PLXNA4: variants seen among roughly 807,000 people sequenced by gnomAD.
PLXNA4 encodes the protein plexin-A4.
PLXNA4 carries 44 observed loss-of-function variants against 191.8 expected under a neutral mutation model. The ratio of observed to expected loss-of-function variants is 0.23; its 90% CI spans 0.18 to 0.29. PLXNA4 has a LOEUF of 0.29. Ranked by LOEUF, PLXNA4 falls within the 10% of genes least tolerant of loss-of-function variation. The pLI is 1.00. For missense variants in PLXNA4, 1,800 were observed against 2,488.8 expected (o/e 0.72, Z 5.89); for synonymous variants, 1,082 against 1,009.5 (o/e 1.07, Z -1.36).
At chr7:132,130,632 C>T (rs1052712956) in intron 31 of PLXNA4, 58 bp from the exon 32 acceptor site, 10 of 1,610,884 alleles carry the variant, frequency 6.2e-6, no homozygotes, top group Non-Finnish European at 8.5e-6. Flanking sequence ...TCTGTGTTCT[C>T]AGGAGGCACA....
chr7:132,440,503 G>T (rs903311390), intron 3 of PLXNA4, among the ~76,000 whole-genome samples: 5 of 152,180 alleles, frequency 3.3e-5, no homozygotes, highest in Admixed American at 2.6e-4. Context: ...AGAGGCAAGA[G>T]ATCCAACTAT....
intron 24 of PLXNA4, among the ~76,000 whole-genome samples, chr7:132,161,162 C>T (rs1252411011): frequency 1.3e-5 from 2 of 152,208 alleles, no homozygotes; most frequent in East Asian, 3.9e-4. Flanking sequence ...GGTGGGGCAG[C>T]TCAGCCTTCC....
At chr7:132,241,781 C>T (rs1584889474) in intron 4 of PLXNA4, among the ~76,000 whole-genome samples, 1 of 151,956 alleles carries the variant, frequency 6.6e-6, no homozygotes, top group East Asian at 1.9e-4. Context: ...TAAAAGCTTT[C>T]ACTATGGTGC....
At chr7:132,482,502 T>C (rs1797378516) in intron 3 of PLXNA4, among the ~76,000 whole-genome samples, 2 of 152,044 alleles carry the variant, frequency 1.3e-5, no homozygotes, top group Admixed American at 6.6e-5. Context: ...CCCCAGCCAA[T>C]ACCATGACCC....
At chr7:132,176,023 G>A (rs560699062) in intron 20 of PLXNA4, among the ~76,000 whole-genome samples, 2 of 152,348 alleles carry the variant, frequency 1.3e-5, no homozygotes, top group Non-Finnish European at 2.9e-5. Flanking sequence ...GAGCTGTGAT[G>A]ATCACAGAAA....
At chr7:132,312,149 A>AAATAAT (rs56273116) in intron 3 of PLXNA4, among the ~76,000 whole-genome samples, 3,281 of 149,534 alleles carry the variant, frequency 0.022, 52 homozygotes, top group Middle Eastern at 0.035. Flanking sequence ...CCTTGAAGGA[A>AAATAAT]AATAATAATA....
At chr7:132,168,784 C>G (rs942495436) in intron 21 of PLXNA4, among the ~76,000 whole-genome samples, 23 of 152,328 alleles carry the variant, frequency 1.5e-4, no homozygotes, top group Non-Finnish European at 2.6e-4. Context: ...AATTGAAGCA[C>G]AGAGAGAGCA....
intron 1 of PLXNA4, among the ~76,000 whole-genome samples, chr7:132,563,405 C>T (rs1430374884): frequency 4.8e-5 from 5 of 104,464 alleles, no homozygotes; most frequent in African/African-American, 1.5e-4. Context: ...TCTCCTCCTC[C>T]TCCTCTCCCT....
intron 1 of PLXNA4, among the ~76,000 whole-genome samples, chr7:132,565,094 T>A (rs1175853501): frequency 6.6e-6 from 1 of 152,240 alleles, no homozygotes; most frequent in Non-Finnish European, 1.5e-5. Context: ...GTTTTCATTC[T>A]CTTTGTCTTG....
chr7:132,543,274 C>T (rs1178212761), intron 1 of PLXNA4, among the ~76,000 whole-genome samples: 2 of 152,140 alleles, frequency 1.3e-5, no homozygotes, highest in Admixed American at 6.5e-5. Flanking sequence ...CTTGTAGTTC[C>T]AACCCAAAAT....
intron 3 of PLXNA4, among the ~76,000 whole-genome samples, chr7:132,343,698 C>A (rs1221864108): frequency 6.6e-6 from 1 of 152,168 alleles, no homozygotes; most frequent in Admixed American, 6.6e-5. Context: ...GCGGGCAGAT[C>A]ACTTGAGGTC....
intron 2 of PLXNA4, among the ~76,000 whole-genome samples, chr7:132,584,292 C>T (rs568736106): frequency 9.2e-5 from 14 of 152,256 alleles, no homozygotes; most frequent in African/African-American, 2.9e-4. Context: ...AGGTAAGGAG[C>T]CTTTACTCGT....
Position 132,417,065 on chromosome 7 carries a change from T to C in PLXNA4, c.1371+72227A>G, listed in dbSNP as rs996456923. Among the ~76,000 whole-genome samples, 46 of 152,208 alleles carry C rather than the reference T, an allele frequency of 3.0e-4. 1 individual carries two copies. The highest frequency in any genetic ancestry group is 3.0e-3 in the Admixed American group (46 of 15,274). On this transcript the variant is annotated intron_variant, in intron 3 of 31. Coordinates refer to ENST00000321063, the MANE Select transcript of PLXNA4 (RefSeq NM_020911.2). ...GAATGTTGCTGAATGCCTTCTTGTC[T>C]GCACTAGAAATTCACACTCTCTTAA... is the stretch of plus-strand genomic sequence containing the variant.
In PLXNA4 at chr7:132,223,515, C is replaced by T. The variant is rs1798212253; in HGVS notation, c.2097+12G>A. On this transcript the variant is annotated intron_variant, in intron 9 of 31. Coordinates refer to ENST00000321063, the MANE Select transcript of PLXNA4 (RefSeq NM_020911.2). ...CAAGAGACACTCACCACTCTGGCTG[C>T]CAGGGACCTACCTCGGGCAGCTTCA... 2 of 1,606,520 alleles carry T rather than the reference C, an allele frequency of 1.2e-6. No individual in the cohort carries two copies. Among genetic ancestry groups the T allele is most frequent in the African/African-American group, 2.7e-5 (2 of 74,722 alleles).
intron 3 of PLXNA4, chr7:132,383,598 T>C (rs2116951959): frequency 1.0e-6 from 1 of 984,546 alleles, no homozygotes; most frequent in East Asian, 1.1e-4. Context: ...GTTACAAGAT[T>C]GGCCTTTATA....
At chr7:132,550,486 G>A (rs1483109762) in intron 1 of PLXNA4, among the ~76,000 whole-genome samples, 1 of 152,204 alleles carries the variant, frequency 6.6e-6, no homozygotes, top group East Asian at 1.9e-4. Context: ...GCAATGAGAG[G>A]GAGGGGTCAG....
rs148810461 is a variant in PLXNA4 at position 132,511,781 on chromosome 7, A to G, written c.-86-3002T>C. On this transcript the variant is annotated intron_variant, in intron 1 of 31. Coordinates refer to ENST00000321063, the MANE Select transcript of PLXNA4 (RefSeq NM_020911.2). ...TGAAGAGTCAAGATGGTTCACCTTG[A>G]ATTGCTTGTGCAAATTCAAATATCA... is the stretch of plus-strand genomic sequence containing the variant. 4.7e-3 allele frequency among the ~76,000 whole-genome samples: 710 copies of G among 152,330 alleles called. 6 individuals are homozygous for G. The highest frequency in any genetic ancestry group is 4.5e-3 in the Non-Finnish European group (309 of 68,032).
In PLXNA4 at chr7:132,518,507, T is replaced by C. The variant is rs186053842; in HGVS notation, c.-86-9728A>G. 1.7e-4 allele frequency among the ~76,000 whole-genome samples: 26 copies of C among 152,140 alleles called. No individual in the cohort carries two copies. In the East Asian group the frequency reaches 2.1e-3, roughly 12 times the overall value. ...CTTCTGAGAGATGGGAACTGTGAAATTGATGACTGGTGGGAGGGCTGGAGA... is the reference window on the plus strand; with the variant it reads ...CTTCTGAGAGATGGGAACTGTGAAACTGATGACTGGTGGGAGGGCTGGAGA... On this transcript the variant is annotated intron_variant, in intron 1 of 31. Coordinates refer to ENST00000321063, the MANE Select transcript of PLXNA4 (RefSeq NM_020911.2).
intron 3 of PLXNA4, among the ~76,000 whole-genome samples, chr7:132,343,038 G>A (rs1162776068): frequency 6.6e-6 from 1 of 150,468 alleles, no homozygotes. Context: ...CCCTTTCCAA[G>A]ATCAAACCCT....
Sources: gnomAD v4.1 joint callset for allele counts (sites outside exome capture counted in the v4.1 genomes callset) on GRCh38, gnomAD v4.1.1 for gene constraint, MANE v1.5 for transcripts, NCBI Gene and HGNC (gene_info 2026-07-23, HGNC 2026-07-21) for gene names.